Variants in TMEM232 observed in about 807,000 individuals in gnomAD.
TMEM232 encodes the protein transmembrane protein 232.
A neutral mutation model predicts 78.8 loss-of-function variants in TMEM232; 80 were observed. The observed-to-expected ratio is 1.01, with a 90% CI of 0.85 to 1.22. The LOEUF is 1.22. TMEM232 is among the 50% of genes most tolerant of loss of function. The pLI is 0.00. For missense variants in TMEM232, 881 were observed against 742.2 expected (o/e 1.19, Z -2.17); for synonymous variants, 297 against 254.3 (o/e 1.17, Z -1.60).
intron 10 of TMEM232, among the ~76,000 whole-genome samples, chr5:110,580,059 C>T (rs1467051387): frequency 4.6e-5 from 7 of 151,528 alleles, no homozygotes; most frequent in Non-Finnish European, 1.0e-4. Flanking sequence ...AAAACGGTCA[C>T]AATAGACTAA....
At chr5:110,701,077 C>T (rs1266619883) in intron 1 of TMEM232, among the ~76,000 whole-genome samples, 1 of 151,772 alleles carries the variant, frequency 6.6e-6, no homozygotes, top group African/African-American at 2.4e-5. Flanking sequence ...TTTTCTGGAA[C>T]TTTATAATGA....
rs1554069154 is a variant in TMEM232 at position 110,652,294 on chromosome 5, G to GCGCGCGCACACACACACACA, written c.126-9924_126-9923insTGTGTGTGTGTGTGCGCGCG. ...CAAGCACACAAAAGTGCACGCGCGC[G>GCGCGCGCACACACACACACA]CACACACACACACACACACACACAC... is the stretch of plus-strand genomic sequence containing the variant. On this transcript the variant is annotated intron_variant, in intron 2 of 13. Transcript: ENST00000455884. Among the ~76,000 whole-genome samples the GCGCGCGCACACACACACACA allele has an allele frequency of 1.3e-3, 189 of 145,444 alleles. 1 individual carries two copies. Among genetic ancestry groups the GCGCGCGCACACACACACACA allele is most frequent in the African/African-American group, 3.9e-3 (151 of 38,922 alleles).
intron 10 of TMEM232, among the ~76,000 whole-genome samples, chr5:110,604,657 A>C (rs576884246): frequency 1.3e-5 from 2 of 152,328 alleles, no homozygotes; most frequent in Admixed American, 1.3e-4. Flanking sequence ...TTGTTTTAAA[A>C]TTATTGATAA....
At chr5:110,706,370 T>A (rs1795930900) in intron 1 of TMEM232, among the ~76,000 whole-genome samples, 1 of 152,192 alleles carries the variant, frequency 6.6e-6, no homozygotes, top group Non-Finnish European at 1.5e-5. Context: ...CTATTGTCTT[T>A]ACCACAGTGG....
intron 8 of TMEM232, chr5:110,610,546 T>G (rs952535504): frequency 4.2e-5 from 19 of 456,084 alleles, no homozygotes; most frequent in Admixed American, 2.6e-4. Context: ...TGTGCAGAGC[T>G]TCTCAAAGTG....
intron 2 of TMEM232, among the ~76,000 whole-genome samples, chr5:110,663,497 T>A (rs972484800): frequency 2.0e-5 from 3 of 151,926 alleles, no homozygotes; most frequent in African/African-American, 7.3e-5. Context: ...TCTATTATAC[T>A]GGCAAAAATT....
chr5:110,532,002 C>T (rs140418527), intron 11 of TMEM232, among the ~76,000 whole-genome samples: 3,070 of 152,194 alleles, frequency 0.02, 74 homozygotes, highest in African/African-American at 0.057. Context: ...AATTCCTTGC[C>T]TCCACTGTGA....
chr5:110,470,240 C>G (rs941019635), intron 12 of TMEM232, among the ~76,000 whole-genome samples: 10 of 152,116 alleles, frequency 6.6e-5, no homozygotes, highest in African/African-American at 2.4e-4. Flanking sequence ...GTGCTGTGCC[C>G]TGCCCGTAGG....
intron 2 of TMEM232, among the ~76,000 whole-genome samples, chr5:110,650,873 G>T (rs1019130689): frequency 1.3e-5 from 2 of 152,104 alleles, no homozygotes; most frequent in East Asian, 1.9e-4. Context: ...TCATACTAAT[G>T]TAGGATGTTA....
At chr5:110,661,791 C>G (rs1352374108) in intron 2 of TMEM232, among the ~76,000 whole-genome samples, 1 of 152,196 alleles carries the variant, frequency 6.6e-6, no homozygotes, top group Non-Finnish European at 1.5e-5. Flanking sequence ...TCCTCTTTCT[C>G]CACATCCTCA....
intron 2 of TMEM232, among the ~76,000 whole-genome samples, chr5:110,652,461 C>A (rs115872621): frequency 6.6e-6 from 1 of 152,230 alleles, no homozygotes; most frequent in Non-Finnish European, 1.5e-5. Flanking sequence ...AAAATAATAT[C>A]TAATTCAATT....
At chr5:110,402,003 G>A (rs1340821601) in intron 2 of TMEM232, among the ~76,000 whole-genome samples, 1 of 152,000 alleles carries the variant, frequency 6.6e-6, no homozygotes, top group Non-Finnish European at 1.5e-5. Context: ...TGGCACTGGT[G>A]TTTTCCTTAG....
At chr5:110,629,281 G>A (rs1784817994) in intron 5 of TMEM232, among the ~76,000 whole-genome samples, 1 of 151,960 alleles carries the variant, frequency 6.6e-6, no homozygotes, top group Non-Finnish European at 1.5e-5. Flanking sequence ...GGACAAAACA[G>A]AAAATACATG....
At chr5:110,509,552 A>G (rs1316844668) in intron 12 of TMEM232, among the ~76,000 whole-genome samples, 1 of 152,168 alleles carries the variant, frequency 6.6e-6, no homozygotes, top group Non-Finnish European at 1.5e-5. Flanking sequence ...ATTTCTTGGT[A>G]TTTTGATATG....
chr5:110,706,523 G>A (rs748975952), intron 1 of TMEM232, among the ~76,000 whole-genome samples: 4 of 152,122 alleles, frequency 2.6e-5, no homozygotes, highest in East Asian at 1.9e-4. Context: ...ATTTGAACCC[G>A]AGGACACAGA....
intron 1 of TMEM232, among the ~76,000 whole-genome samples, chr5:110,702,355 C>A (rs1365818104): frequency 1.3e-5 from 2 of 151,870 alleles, no homozygotes; most frequent in African/African-American, 4.8e-5. Flanking sequence ...CTGTAGCATA[C>A]CCCCTTGTCT....
intron 2 of TMEM232, among the ~76,000 whole-genome samples, chr5:110,655,384 A>G (rs1246199030): frequency 2.7e-5 from 4 of 149,826 alleles, no homozygotes; most frequent in African/African-American, 9.9e-5. Flanking sequence ...TAGAATGGCT[A>G]TCATTAAAAA....
chr5:110,447,259 A>T (rs1327143410), intron 12 of TMEM232, among the ~76,000 whole-genome samples: 1 of 152,048 alleles, frequency 6.6e-6, no homozygotes, highest in East Asian at 1.9e-4. Flanking sequence ...AGAACAAATG[A>T]ATTTCTACTG....
Position 110,524,672 on chromosome 5 carries a change from T to C in TMEM232, c.1703+3916A>G, listed in dbSNP as rs546947728. On this transcript the variant is annotated intron_variant, in intron 12 of 13. Coordinates refer to ENST00000455884, the MANE Select transcript of TMEM232 (RefSeq NM_001039763.4). ...ATGTCCATTAGGTCCATTTGGTCTA[T>C]ACTGTTGTTCAAGCTCAATGTTTGC... 7.9e-5 allele frequency among the ~76,000 whole-genome samples: 12 copies of C among 152,312 alleles called. No homozygotes were observed. In the South Asian group the frequency reaches 1.9e-3, roughly 24 times the overall value.
Sources: allele counts gnomAD v4.1 joint callset (sites outside exome capture counted in the v4.1 genomes callset), GRCh38; gene constraint gnomAD v4.1.1; transcripts MANE v1.5; gene names NCBI Gene and HGNC (gene_info 2026-07-23, HGNC 2026-07-21).